Variants in MTUS2 observed in about 807,000 individuals in gnomAD.
MTUS2 encodes microtubule associated scaffold protein 2.
MTUS2 carries 40 observed loss-of-function variants against 114.1 expected under a neutral mutation model. The ratio of observed to expected loss-of-function variants is 0.35; its 90% confidence interval spans 0.27 to 0.46. MTUS2 has a LOEUF of 0.46. Ranked by LOEUF, MTUS2 falls within the 20% of genes least tolerant of loss-of-function variation. The pLI is 1.00. For synonymous variants in MTUS2, 688 were observed against 672.0 expected (o/e 1.02, Z -0.37); for missense variants, 1,679 against 1,705.4 (o/e 0.98, Z 0.27).
chr13:29,324,518 G>T, intron 6 of MTUS2, 95 bp from the exon 7 acceptor site: 1 of 834,674 alleles, frequency 1.2e-6, no homozygotes, highest in South Asian at 1.6e-5. Flanking sequence ...TGATATGTTT[G>T]ACTTTCTTGA....
At chr13:29,167,244 G>A (rs1222428053) in intron 5 of MTUS2, among the ~76,000 whole-genome samples, 4 of 151,928 alleles carry the variant, frequency 2.6e-5, no homozygotes, top group Non-Finnish European at 4.4e-5. Flanking sequence ...GTGTGGTTGC[G>A]GGCGCCTGTA....
At chr13:29,384,043 C>G (rs562598433) in intron 8 of MTUS2, among the ~76,000 whole-genome samples, 24 of 152,278 alleles carry the variant, frequency 1.6e-4, no homozygotes, top group African/African-American at 5.8e-4. Context: ...TTGAAAAATA[C>G]CTTTAAGCTA....
chr13:29,430,369 G>T lies in MTUS2; in HGVS notation c.3118-9614G>T, dbSNP rs1468614201. Among the ~76,000 whole-genome samples, 4 of 152,104 alleles carry T rather than the reference G, an allele frequency of 2.6e-5. No homozygotes were observed. The East Asian group carries it at 5.8e-4, about 22-fold the overall frequency. Reference sequence around the variant, plus strand: ...TGTTTTAAATCAAGTTCTTGAAAATGATTATCCCTATGTCATTCTTGAATT... The same window carrying T: ...TGTTTTAAATCAAGTTCTTGAAAATTATTATCCCTATGTCATTCTTGAATT... On this transcript the variant is annotated intron_variant, in intron 8 of 15. Coordinates refer to ENST00000612955, the MANE Select transcript of MTUS2 (RefSeq NM_001033602.4).
intron 2 of MTUS2, among the ~76,000 whole-genome samples, chr13:28,999,699 G>A (rs181950532): frequency 2.0e-5 from 3 of 152,214 alleles, no homozygotes; most frequent in Non-Finnish European, 4.4e-5. Flanking sequence ...TCACCCTACT[G>A]TGCAATAGAA....
rs74715565 is a variant in MTUS2 at position 28,876,203 on chromosome 13, C to T, written c.-243+36353C>T. On this transcript the variant is annotated intron_variant, in intron 2 of 15. Coordinates refer to ENST00000612955, the MANE Select transcript of MTUS2 (RefSeq NM_001033602.4). The stretch of plus-strand genomic sequence containing the variant: ...AGTGAATACCCTGGTGAGTTGTGGA[C>T]ACAGCATCACAGAGAGCCTAATACT... 7.2e-3 allele frequency among the ~76,000 whole-genome samples: 1,102 copies of T among 152,276 alleles called. 14 individuals carry two copies. Among genetic ancestry groups the T allele is most frequent in the East Asian group, 0.034 (178 of 5,178 alleles).
At chr13:28,892,014 C>T (rs1238716347) in intron 2 of MTUS2, among the ~76,000 whole-genome samples, 1 of 152,116 alleles carries the variant, frequency 6.6e-6, no homozygotes, top group Admixed American at 6.5e-5. Flanking sequence ...AACCCTCTAA[C>T]CCCTTCACCA....
At chr13:29,097,626 G>A (rs1380948533) in intron 4 of MTUS2, among the ~76,000 whole-genome samples, 1 of 152,178 alleles carries the variant, frequency 6.6e-6, no homozygotes, top group Non-Finnish European at 1.5e-5. Context: ...AAACAGAAAT[G>A]TATTTCTCAC....
intron 5 of MTUS2, among the ~76,000 whole-genome samples, chr13:29,248,899 G>T (rs1282179219): frequency 6.6e-6 from 1 of 152,154 alleles, no homozygotes; most frequent in Admixed American, 6.5e-5. Context: ...TGGGTTGGTT[G>T]CATGCCTTTG....
intron 2 of MTUS2, among the ~76,000 whole-genome samples, chr13:28,956,881 A>G (rs1023440911): frequency 1.0e-4 from 15 of 149,910 alleles, no homozygotes; most frequent in African/African-American, 3.5e-4. Context: ...GTGGAAAGAA[A>G]GTGTGATGGC....
rs77305196 is a variant in MTUS2, at chr13:29,356,348, C to T, written c.2906-2914C>T. Among the ~76,000 whole-genome samples, 1,208 of 152,308 alleles carry T rather than the reference C, an allele frequency of 7.9e-3. 16 individuals carry two copies. The highest frequency in any genetic ancestry group is 0.013 in the Non-Finnish European group (869 of 68,022). On this transcript the variant is annotated intron_variant, in intron 7 of 15. Coordinates refer to ENST00000612955, the MANE Select transcript of MTUS2 (RefSeq NM_001033602.4). ...TCCAGAAGTTGGCCATCTAATTATC[C>T]GATACAAACCTGGTACTTCCTAAGC...
chr13:29,453,950 A>G (rs1033531772), intron 9 of MTUS2, among the ~76,000 whole-genome samples: 1 of 152,196 alleles, frequency 6.6e-6, no homozygotes, highest in African/African-American at 2.4e-5. Flanking sequence ...CACTGATACC[A>G]CCAGGGCCAT....
intron 10 of MTUS2, among the ~76,000 whole-genome samples, chr13:29,481,151 G>C (rs907467679): frequency 3.9e-5 from 6 of 152,210 alleles, no homozygotes; most frequent in Non-Finnish European, 8.8e-5. Context: ...TCCATTTGCT[G>C]AATGAAAGAA....
Position 29,034,074 on chromosome 13 carries a change from C to A in MTUS2, c.2395C>A (p.Pro799Thr). The A allele has an allele frequency of 6.2e-7, 1 of 1,613,940 alleles. No individual in the cohort carries two copies. Among genetic ancestry groups the A allele is most frequent in the Non-Finnish European group, 8.5e-7 (1 of 1,179,894 alleles). Residue 799 changes from proline to threonine, a missense_variant, in exon 4 of 16, where the codon CCA (proline) becomes ACA (threonine). Transcript: ENST00000612955. The part of the protein sequence containing the change: ...SQRSSASAIH[P>T]PGPITTATSL... ...GAGGTCTTCAGCGAGCGCCATCCACCCACCAGGACCCATAACAACAGCCAC... is the reference window on the plus strand; with the variant it reads ...GAGGTCTTCAGCGAGCGCCATCCACACACCAGGACCCATAACAACAGCCAC...
At chr13:29,389,401 A>G (rs1224038216) in intron 8 of MTUS2, among the ~76,000 whole-genome samples, 1,042 of 85,144 alleles carry the variant, frequency 0.012, 92 homozygotes, top group Non-Finnish European at 0.02. Flanking sequence ...GTGTGTATAT[A>G]TGTATACACG....
intron 2 of MTUS2, among the ~76,000 whole-genome samples, chr13:28,934,670 T>G (rs540245401): frequency 2.2e-4 from 33 of 152,160 alleles, no homozygotes; most frequent in Non-Finnish European, 4.1e-4. Context: ...ATTATAGGCA[T>G]GTGCCACCAT....
chr13:29,442,632 G>GAAGTT (rs59017285), intron 9 of MTUS2, among the ~76,000 whole-genome samples: 4,498 of 152,270 alleles, frequency 0.03, 122 homozygotes, highest in Non-Finnish European at 0.037. Flanking sequence ...CCCCAAACCA[G>GAAGTT]CACAGGGAGG....
At position 28,947,088 on chromosome 13, in the gene MTUS2, C is replaced by G. The variant is rs144495322; in HGVS notation, c.-242-77369C>G. ...AAGAATATTTTTACTTAACTGTGCT[C>G]TTTATTGTGGTTGAGTTCACTCTCC... On this transcript the variant is annotated intron_variant, in intron 2 of 15. Transcript: ENST00000612955. Among the ~76,000 whole-genome samples the G allele has an allele frequency of 5.8e-3, 879 of 152,272 alleles. 10 individuals carry two copies. Among genetic ancestry groups the G allele is most frequent in the African/African-American group, 0.02 (842 of 41,550 alleles).
chr13:29,303,951 C>T (rs757609660), intron 6 of MTUS2, among the ~76,000 whole-genome samples: 4 of 152,188 alleles, frequency 2.6e-5, no homozygotes, highest in Non-Finnish European at 5.9e-5. Context: ...AGTAGAAAAT[C>T]TACAAGCCAG....
chr13:29,043,434 C>T (rs1887464337), intron 4 of MTUS2, among the ~76,000 whole-genome samples: 1 of 152,038 alleles, frequency 6.6e-6, no homozygotes, highest in Admixed American at 6.5e-5. Context: ...CTGTAAATAT[C>T]TGTTAAGTCC....
Sources: allele counts gnomAD v4.1 joint callset (sites outside exome capture counted in the v4.1 genomes callset), GRCh38; gene constraint gnomAD v4.1.1; transcripts MANE v1.5; gene names NCBI Gene and HGNC (gene_info 2026-07-23, HGNC 2026-07-21).